The following DPEP1 variants were observed in gnomAD, a reference collection of about 807,000 sequenced individuals.
DPEP1 encodes beta-lactamase.
In DPEP1, 50 loss-of-function variants were observed where a neutral mutation model predicts 42.3. The observed-to-expected ratio is 1.18, with a 90% CI of 0.94 to 1.50. The LOEUF is 1.50. Ranked by LOEUF, DPEP1 falls within the 40% of genes most tolerant of loss-of-function variation. DPEP1 has a pLI of 0.00. For missense variants in DPEP1, 663 were observed against 553.0 expected, an observed-to-expected ratio of 1.20 and a Z score of -1.99; for synonymous variants, 297 against 234.0, an observed-to-expected ratio of 1.27 and a Z score of -2.46.
intron 5 of DPEP1, 23 bp downstream of exon 5, chr16:89,636,706 C>G: frequency 2.5e-6 from 4 of 1,610,642 alleles, no homozygotes; most frequent in Non-Finnish European, 3.4e-6. Flanking sequence ...CCATGGGAGG[C>G]CCCCGGGCTG....
At position 89,637,351 on chromosome 16, in the gene DPEP1, A is replaced by G. The variant is rs1567993338; in HGVS notation, c.739A>G (p.Asn247Asp). Reference protein sequence around the residue: ...SAYSVCASRRNVPDDVLRLVK... With the variant: ...SAYSVCASRRDVPDDVLRLVK... ...CTACAGCGTGTGCGCAAGCCGGCGC[A>G]ACGTGCCTGACGACGTCCTGAGGCT... The change falls in exon 7 of 11, where the codon AAC (asparagine) becomes GAC (aspartate). Residue 247 changes from asparagine to aspartate, a missense_variant. Physicochemically the swap from Asn to Asp is conservative, Grantham distance 23. Coordinates refer to ENST00000690203, the MANE Select transcript of DPEP1 (RefSeq NM_001389466.1). The G allele has an allele frequency of 6.2e-7, 1 of 1,612,348 alleles. No individual in the cohort carries two copies. Among genetic ancestry groups the G allele is most frequent in the Non-Finnish European group, 8.5e-7 (1 of 1,179,934 alleles).
At chr16:89,638,592 C>G, downstream of DPEP1, 1 of 739,764 alleles carries the variant, frequency 1.4e-6, no homozygotes, top group Non-Finnish European at 1.7e-6. Flanking sequence ...AGAGACACTG[C>G]TTGAGCGTCT....
chr16:89,626,689 C>T lies in DPEP1; in HGVS notation c.-106-3616C>T, dbSNP rs114412274. Among the ~76,000 whole-genome samples, 250 of 152,024 alleles carry T rather than the reference C, an allele frequency of 1.6e-3. 1 individual carries two copies. The highest frequency in any genetic ancestry group is 5.7e-3 in the African/African-American group (238 of 41,486). On this transcript the variant is annotated intron_variant, in intron 1 of 10. Coordinates refer to ENST00000690203, the MANE Select transcript of DPEP1 (RefSeq NM_001389466.1). ...TTTTTAAAAGTGTTTGGCAGTCCCCCCCTCAAACTCTCTCCCCCGCTGCCA... is the reference window on the plus strand; with the variant it reads ...TTTTTAAAAGTGTTTGGCAGTCCCCTCCTCAAACTCTCTCCCCCGCTGCCA...
intron 2 of DPEP1, 152 bp from the exon 3 acceptor site, chr16:89,635,756 C>T (rs1212116267): frequency 1.2e-5 from 13 of 1,114,226 alleles, no homozygotes; most frequent in East Asian, 1.1e-4. Flanking sequence ...TTCAGGTGGC[C>T]GGTGATATGT....
At chr16:89,641,165 G>A (rs2059739785), downstream of DPEP1, among the ~76,000 whole-genome samples, 2 of 152,256 alleles carry the variant, frequency 1.3e-5, no homozygotes, top group Admixed American at 1.3e-4. Flanking sequence ...CGGACTGGGA[G>A]CGTGACCGCT....
At chr16:89,639,571 CCCA>C (rs1191498981), downstream of DPEP1, among the ~76,000 whole-genome samples, 2 of 144,780 alleles carry the variant, frequency 1.4e-5, no homozygotes, top group Non-Finnish European at 3.0e-5. Flanking sequence ...CTGCACACAC[CCCA>C]CAACCCTGCA....
intron 1 of DPEP1, among the ~76,000 whole-genome samples, chr16:89,616,712 G>C (rs2059381693): frequency 6.6e-6 from 1 of 152,042 alleles, no homozygotes; most frequent in African/African-American, 2.4e-5. Flanking sequence ...GCGAAGGGCA[G>C]TGCAAACGCA....
At position 89,636,513 on chromosome 16, in the gene DPEP1, C is replaced by G. The variant is rs139744215; in HGVS notation, c.371-20C>G. ...CAGATACCAGGTGCCCACTCCCCTG[C>G]ACCCTGACTCTCCCCGCAGGCATTC... On this transcript the variant is annotated intron_variant, in intron 4 of 10. Transcript: ENST00000690203. 9.8e-5 allele frequency: 158 copies of G among 1,609,956 alleles called. No individual in the cohort carries two copies. In the African/African-American group the frequency reaches 2.0e-3, roughly 20 times the overall value.
chr16:89,628,853 G>A (rs2059549475), intron 1 of DPEP1, among the ~76,000 whole-genome samples: 1 of 151,966 alleles, frequency 6.6e-6, no homozygotes, highest in African/African-American at 2.4e-5. Context: ...CTGAGATGGA[G>A]TCTTGATCTG....
At chr16:89,638,684 C>CT (rs2059715347), downstream of DPEP1, among the ~76,000 whole-genome samples, 1 of 132,504 alleles carries the variant, frequency 7.5e-6, no homozygotes, top group Non-Finnish European at 1.7e-5. Flanking sequence ...CACACACACC[C>CT]CACCCCTGCA....
intron 2 of DPEP1, 44 bp from the exon 3 acceptor site, chr16:89,635,864 C>T (rs747718146): frequency 2.4e-5 from 38 of 1,552,430 alleles, no homozygotes; most frequent in Non-Finnish European, 3.0e-5. Context: ...CCCCAGGTCC[C>T]AGTGGCCGCC....
chr16:89,626,806 G>A (rs947978316), intron 1 of DPEP1, among the ~76,000 whole-genome samples: 1 of 151,898 alleles, frequency 6.6e-6, no homozygotes, highest in Non-Finnish European at 1.5e-5. Flanking sequence ...GTCAATGAAG[G>A]CTTTTTTCCT....
At chr16:89,623,403 C>T (rs187272254) in intron 1 of DPEP1, among the ~76,000 whole-genome samples, 4 of 152,288 alleles carry the variant, frequency 2.6e-5, no homozygotes, top group East Asian at 1.9e-4. Flanking sequence ...ACATACGGCA[C>T]GGCCCACCTT....
chr16:89,623,318 G>A lies in DPEP1; in HGVS notation c.-106-6987G>A, dbSNP rs546546041. Among the ~76,000 whole-genome samples the A allele has an allele frequency of 2.6e-5, 4 of 151,648 alleles. No individual in the cohort carries two copies. The South Asian group carries it at 6.2e-4, about 24-fold the overall frequency. ...AAAAAAAAAAATGCTCATGCCTTCC[G>A]GCTTCAAGGGCCCTGGTAACCGGGC... On this transcript the variant is annotated intron_variant, in intron 1 of 10. Transcript: ENST00000690203.
At chr16:89,627,227 T>G (rs1484450227) in intron 1 of DPEP1, among the ~76,000 whole-genome samples, 1 of 145,220 alleles carries the variant, frequency 6.9e-6, no homozygotes, top group East Asian at 2.0e-4. Flanking sequence ...GAGCTGAGGT[T>G]GCGCCACTGC....
At chr16:89,623,923 C>G (rs141292604) in intron 1 of DPEP1, among the ~76,000 whole-genome samples, 1 of 152,110 alleles carries the variant, frequency 6.6e-6, no homozygotes, top group Admixed American at 6.6e-5. Flanking sequence ...GAAGTCGTGG[C>G]GCTCCGAGGA....
At position 89,637,242 on chromosome 16, in the gene DPEP1, C is replaced by T. The variant is rs142873400; in HGVS notation, c.630C>T (p.Ile210=). The stretch of plus-strand genomic sequence containing the variant: ...AGCTGAACCGTCTGGGGGTCCTCAT[C>T]GACTTGGCTCACGTGTCTGTGGCCA... ...VKELNRLGVL[I]DLAHVSVATM... is the part of the protein sequence containing the mutation. The change falls in exon 7 of 11, where the codon ATC becomes ATT. Residue 210 remains isoleucine, a synonymous_variant. Coordinates refer to ENST00000690203, the MANE Select transcript of DPEP1 (RefSeq NM_001389466.1). 5.0e-4 allele frequency: 813 copies of T among 1,612,718 alleles called. 8 individuals carry two copies. The African/African-American group carries it at 8.7e-3, about 17-fold the overall frequency.
intron 1 of DPEP1, chr16:89,616,905 CAGGAAGCGGGT>C (rs1243772619): frequency 8.6e-6 from 2 of 231,636 alleles, no homozygotes; most frequent in African/African-American, 2.4e-5. Context: ...AGAGAGCGGC[CAGGAAGCGGGT>C]AGGAAGCGGG....
chr16:89,616,339 GCA>G (rs1308545686), intron 1 of DPEP1, among the ~76,000 whole-genome samples: 1 of 152,176 alleles, frequency 6.6e-6, no homozygotes, highest in Non-Finnish European at 1.5e-5. Context: ...GGCTGACCGG[GCA>G]CAGTTTCACA....
Sources: gnomAD v4.1 joint callset for allele counts (sites outside exome capture counted in the v4.1 genomes callset) on GRCh38, gnomAD v4.1.1 for gene constraint, MANE v1.5 for transcripts, NCBI Gene and HGNC (gene_info 2026-07-23, HGNC 2026-07-21) for gene names.